Variants in PLA2R1 observed in about 807,000 individuals in gnomAD.
PLA2R1 encodes secretory phospholipase A2 receptor.
PLA2R1 carries 158 observed loss-of-function variants against 195.9 expected under a neutral mutation model. The ratio of observed to expected loss-of-function variants is 0.81; its 90% CI spans 0.71 to 0.92. PLA2R1 has a LOEUF of 0.92. Ranked by LOEUF, PLA2R1 falls within the 40% of genes least tolerant of loss-of-function variation. PLA2R1 has a pLI of 0.00. For missense variants in PLA2R1, 1,626 were observed against 1,764.6 expected, an observed-to-expected ratio of 0.92 and a Z score of 1.41; for synonymous variants, 586 against 598.2, an observed-to-expected ratio of 0.98 and a Z score of 0.30.
intron 1 of PLA2R1, among the ~76,000 whole-genome samples, chr2:160,055,583 C>G (rs914270155): frequency 6.6e-6 from 1 of 152,208 alleles, no homozygotes; most frequent in Non-Finnish European, 1.5e-5. Context: ...TTCTGTCATG[C>G]AGCAGGATAC....
chr2:159,986,316 C>A (rs1457470595), intron 12 of PLA2R1, among the ~76,000 whole-genome samples: 1 of 152,076 alleles, frequency 6.6e-6, no homozygotes, highest in Non-Finnish European at 1.5e-5. Context: ...TTAAAAAAAA[C>A]AAATCTGAAA....
At chr2:159,952,320 T>C (rs1283888674) in intron 23 of PLA2R1, among the ~76,000 whole-genome samples, 2 of 152,206 alleles carry the variant, frequency 1.3e-5, no homozygotes, top group East Asian at 3.8e-4. Flanking sequence ...CTCTCTAATA[T>C]GTGCATTTGC....
Position 160,028,250 on chromosome 2 carries a change from T to G in PLA2R1, c.1067A>C (p.Lys356Thr). ...CESTLPYICK[K>T]YLNHIDHEIV... ...TTCATGATCAATGTGGTTTAGATAT[T>G]TTTTACATATATATGGCAAGGTGGA... is the stretch of plus-strand genomic sequence containing the variant. Residue 356 changes from lysine to threonine, a missense_variant, in exon 6 of 30, where the codon AAA becomes ACA. By Grantham distance (78) the Lys-to-Thr change is moderately conservative. Transcript: ENST00000283243. 6.2e-7 allele frequency: 1 copy of G among 1,602,570 alleles called. No individual in the cohort carries two copies. Among genetic ancestry groups the G allele is most frequent in the Non-Finnish European group, 8.5e-7 (1 of 1,174,392 alleles).
At position 160,028,946 on chromosome 2, in the gene PLA2R1, T is replaced by C; in HGVS notation, c.859A>G (p.Thr287Ala). Residue 287 changes from threonine to alanine, a missense_variant, in exon 5 of 30, where the codon ACA becomes GCA. Thr to Ala is a moderately conservative substitution (Grantham distance 58). Transcript: ENST00000283243. Reference protein sequence around the residue: ...NFIREHMSSKTVEVWMGLNQL... With the variant: ...NFIREHMSSKAVEVWMGLNQL... Reference sequence around the variant, plus strand: ...TTGAGGCCCATCCACACCTCCACTGTTTTACTGCTCATGTGCTCTGAAATG... The same window carrying C: ...TTGAGGCCCATCCACACCTCCACTGCTTTACTGCTCATGTGCTCTGAAATG... 3 of 1,584,098 alleles carry C rather than the reference T, an allele frequency of 1.9e-6. No individual in the cohort carries two copies. In the African/African-American group the frequency reaches 4.0e-5, roughly 21 times the overall value.
chr2:160,038,722 T>C (rs1287526921), intron 3 of PLA2R1, among the ~76,000 whole-genome samples: 1 of 151,756 alleles, frequency 6.6e-6, no homozygotes, highest in Non-Finnish European at 1.5e-5. Context: ...TAGAGGAGAA[T>C]AGAGAGGTTG....
intron 1 of PLA2R1, among the ~76,000 whole-genome samples, chr2:160,048,798 A>C (rs1375314248): frequency 6.6e-6 from 1 of 151,922 alleles, no homozygotes; most frequent in Non-Finnish European, 1.5e-5. Flanking sequence ...CATAATTATA[A>C]GTTTAGGAGG....
rs1245331292 is a variant in PLA2R1, at chr2:159,991,628, A to C, written c.1835-4270T>G. Among the ~76,000 whole-genome samples the C allele has an allele frequency of 1.6e-3, 152 of 92,284 alleles. 1 individual carries two copies. Among genetic ancestry groups the C allele is most frequent in the Non-Finnish European group, 2.5e-3 (121 of 48,834 alleles). The allele number at this position is 92,284 out of a possible 152,430, so 60.5% of individuals were successfully genotyped here. The stretch of plus-strand genomic sequence containing the variant: ...TCCCTCCCCCCTCCCCCCACCCCAC[A>C]ACAGTCCCCAGAGTGTGATGTTCCC... On this transcript the variant is annotated intron_variant, in intron 11 of 29. Coordinates refer to ENST00000283243, the MANE Select transcript of PLA2R1 (RefSeq NM_007366.5).
chr2:160,021,476 A>G (rs573332443), intron 7 of PLA2R1, among the ~76,000 whole-genome samples: 4 of 152,370 alleles, frequency 2.6e-5, no homozygotes, highest in Admixed American at 2.6e-4. Context: ...ATGAAATCAT[A>G]TCTTTCGCAC....
intron 10 of PLA2R1, among the ~76,000 whole-genome samples, chr2:160,011,435 T>C (rs900723188): frequency 6.6e-5 from 10 of 152,188 alleles, no homozygotes; most frequent in Non-Finnish European, 1.5e-4. Context: ...GTGTTTAATA[T>C]GGGGACTCTC....
chr2:159,949,471 A>T, intron 25 of PLA2R1, 137 bp downstream of exon 25: 1 of 569,756 alleles, frequency 1.8e-6, no homozygotes, highest in Non-Finnish European at 3.1e-6. Context: ...GTTATTCTTT[A>T]CATCACCAAC....
At position 159,967,562 on chromosome 2, in the gene PLA2R1, C is replaced by G. The variant is rs1337489799; in HGVS notation, c.2881G>C (p.Gly961Arg). ...TPKQHGTCPKGWLYFNYKCLL... is the reference protein window; with the variant it reads ...TPKQHGTCPKRWLYFNYKCLL... ...ACCTTATAGTTAAAATATAGCCATC[C>G]TTTGGGACACGTTCCATGTTGTTTT... The change falls in exon 20 of 30, where the codon GGA becomes CGA. Residue 961 changes from glycine (G) to arginine (R), a missense_variant. Transcript: ENST00000283243. 6.2e-7 allele frequency: 1 copy of G among 1,613,622 alleles called. No homozygotes were observed. The highest frequency in any genetic ancestry group is 2.2e-5 in the East Asian group (1 of 44,838).
At position 159,939,071 on chromosome 2, in the gene PLA2R1, G is replaced by A. The variant is rs1047465161; in HGVS notation, c.*2707C>T. On this transcript the variant is annotated 3_prime_UTR_variant, in exon 30 of 30. Transcript: ENST00000283243. ...CGCTTTTTTGGCATAAATGTAAGGA[G>A]TACAAGTGTAATTTTGTTACATAAA... 1 of 152,140 alleles carries A rather than the reference G, an allele frequency of 6.6e-6. No individual in the cohort carries two copies. Among genetic ancestry groups the A allele is most frequent in the African/African-American group, 2.4e-5 (1 of 41,432 alleles). The allele number at this position is 152,140 out of a possible 1,614,324, so 9.4% of individuals were successfully genotyped here.
chr2:159,927,637 G>A (rs1002880801), downstream of PLA2R1, among the ~76,000 whole-genome samples: 1 of 152,084 alleles, frequency 6.6e-6, no homozygotes, highest in Non-Finnish European at 1.5e-5. Context: ...ACCTATTTGG[G>A]TTCCAGTGCA....
At chr2:159,967,109 T>C (rs932623065) in intron 20 of PLA2R1, among the ~76,000 whole-genome samples, 26 of 152,118 alleles carry the variant, frequency 1.7e-4, no homozygotes, top group African/African-American at 6.3e-4. Flanking sequence ...CTGGGTCCTC[T>C]GAAATTTACA....
At chr2:160,010,872 G>T (rs1041776333) in intron 10 of PLA2R1, among the ~76,000 whole-genome samples, 3 of 152,130 alleles carry the variant, frequency 2.0e-5, no homozygotes, top group African/African-American at 7.2e-5. Flanking sequence ...ACATGTTTTG[G>T]GGGTAGCATA....
chr2:159,953,356 A>G (rs764730561), intron 23 of PLA2R1, among the ~76,000 whole-genome samples: 2 of 152,278 alleles, frequency 1.3e-5, no homozygotes, highest in Admixed American at 6.5e-5. Flanking sequence ...CTCAAGCCCA[A>G]TGTAAGCACA....
chr2:159,966,982 G>A (rs1688830000), intron 20 of PLA2R1, among the ~76,000 whole-genome samples: 1 of 152,044 alleles, frequency 6.6e-6, no homozygotes, highest in African/African-American at 2.4e-5. Flanking sequence ...GGAAGCACCA[G>A]CTTTATGAGG....
intron 11 of PLA2R1, among the ~76,000 whole-genome samples, chr2:159,997,563 C>A (rs1691297302): frequency 6.6e-6 from 1 of 152,092 alleles, no homozygotes; most frequent in South Asian, 2.1e-4. Flanking sequence ...CCTGATAGAT[C>A]ACCTGGAGCT....
intron 11 of PLA2R1, among the ~76,000 whole-genome samples, chr2:159,990,653 T>A (rs1191113755): frequency 6.6e-6 from 1 of 152,216 alleles, no homozygotes; most frequent in Non-Finnish European, 1.5e-5. Context: ...TGAAGCTCTT[T>A]GGGTAGGCAA....
Sources: allele counts gnomAD v4.1 joint callset (sites outside exome capture counted in the v4.1 genomes callset), GRCh38; gene constraint gnomAD v4.1.1; transcripts MANE v1.5; gene names NCBI Gene and HGNC (gene_info 2026-07-23, HGNC 2026-07-21).